NR6A1: variants seen among roughly 807,000 people sequenced by gnomAD.
NR6A1 encodes nuclear receptor subfamily 6 group A member 1.
Under a neutral mutation model 59.1 loss-of-function variants are expected in NR6A1, and 7 were observed. The observed-to-expected ratio is 0.12, with a 90% CI of 0.07 to 0.22. NR6A1 has a LOEUF of 0.22. Among genes scored for constraint, NR6A1 ranks in the 10% least tolerant of loss-of-function variants. The pLI is 1.00. For synonymous variants in NR6A1, 243 were observed against 236.1 expected (o/e 1.03, Z -0.27); for missense variants, 468 against 611.6 (o/e 0.77, Z 2.48).
intron 2 of NR6A1, chr9:124,693,933 T>C (rs1347530936): frequency 3.1e-6 from 1 of 319,274 alleles, no homozygotes; most frequent in African/African-American, 2.2e-5. Context: ...TGGAGTAAGT[T>C]CTCTAAATTC....
At chr9:124,618,153 G>A (rs1588713200) in intron 2 of NR6A1, among the ~76,000 whole-genome samples, 2 of 152,140 alleles carry the variant, frequency 1.3e-5, no homozygotes, top group South Asian at 2.1e-4. Context: ...CTGAGCTGGG[G>A]GCAAGGGAAG....
chr9:124,595,769 T>C, intron 2 of NR6A1: 1 of 1,288,898 alleles, frequency 7.8e-7, no homozygotes, highest in Non-Finnish European at 1.0e-6. Context: ...CTCCATTTCA[T>C]GCTTCTTGTA....
intron 2 of NR6A1, chr9:124,692,507 G>A (rs1465381958): frequency 1.9e-6 from 1 of 531,832 alleles, no homozygotes; most frequent in South Asian, 1.4e-5. Flanking sequence ...GTGAGTTTGG[G>A]ATTTGAAAAA....
intron 2 of NR6A1, among the ~76,000 whole-genome samples, chr9:124,587,862 A>T (rs1470391455): frequency 6.6e-6 from 1 of 152,178 alleles, no homozygotes; most frequent in African/African-American, 2.4e-5. Flanking sequence ...AAGGCGCTGG[A>T]TCAATAATTC....
chr9:124,550,605 G>T (rs1453819617), intron 3 of NR6A1, among the ~76,000 whole-genome samples: 2 of 151,824 alleles, frequency 1.3e-5, no homozygotes, highest in Non-Finnish European at 2.9e-5. Context: ...CAATCCACCT[G>T]CTCCGGCCTC....
At chr9:124,622,132 C>T (rs1027941753) in intron 2 of NR6A1, among the ~76,000 whole-genome samples, 2 of 152,164 alleles carry the variant, frequency 1.3e-5, no homozygotes, top group Non-Finnish European at 2.9e-5. Flanking sequence ...GAGAGGATCG[C>T]TTGAGCCTGG....
chr9:124,595,122 C>T (rs1352937868), intron 2 of NR6A1, among the ~76,000 whole-genome samples: 2 of 152,202 alleles, frequency 1.3e-5, no homozygotes, highest in Non-Finnish European at 2.9e-5. Context: ...GGGTTTCTCA[C>T]ATAACTAGGA....
At chr9:124,627,695 C>CA (rs769572655) in intron 2 of NR6A1, among the ~76,000 whole-genome samples, 2 of 152,122 alleles carry the variant, frequency 1.3e-5, no homozygotes, top group Non-Finnish European at 2.9e-5. Context: ...CCTCAGCCTC[C>CA]TAAGTAGCTC....
chr9:124,621,653 CA>C (rs1040211187), intron 2 of NR6A1, among the ~76,000 whole-genome samples: 2 of 138,422 alleles, frequency 1.4e-5, no homozygotes, highest in African/African-American at 2.7e-5. Flanking sequence ...GACCTTGTCT[CA>C]AAAAAAAAGA....
chr9:124,742,331 G>A (rs1840193655), intron 1 of NR6A1, among the ~76,000 whole-genome samples: 2 of 152,204 alleles, frequency 1.3e-5, no homozygotes, highest in South Asian at 4.1e-4. Context: ...GGAAGGCCGA[G>A]GTGGGCAGAT....
rs549038189 is a variant in NR6A1, at chr9:124,627,999, CTTTG to C, written c.143-73433_143-73430del. On this transcript the variant is annotated intron_variant, in intron 2 of 9. Transcript: ENST00000487099. ...CGGTGTGTGTAGAGAGTGAAGGGGA[CTTTG>C]TTTGGCCTTTGCTTTTGTTGTTGTT... Among the ~76,000 whole-genome samples the C allele has an allele frequency of 9.1e-4, 128 of 140,964 alleles. 1 individual carries two copies. In the South Asian group the frequency reaches 0.02, roughly 22 times the overall value. The allele number at this position is 140,964 out of a possible 152,430, so 92.5% of individuals were successfully genotyped here.
intron 9 of NR6A1, among the ~76,000 whole-genome samples, chr9:124,523,637 G>C (rs1832854494): frequency 6.6e-6 from 1 of 151,880 alleles, no homozygotes; most frequent in South Asian, 2.1e-4. Context: ...CAGAGTGCCT[G>C]CTTAATATCT....
chr9:124,559,499 G>C (rs1302970691), intron 2 of NR6A1, among the ~76,000 whole-genome samples: 1 of 152,060 alleles, frequency 6.6e-6, no homozygotes, highest in Non-Finnish European at 1.5e-5. Flanking sequence ...TTTCAGGCTG[G>C]GTGTAGTGGC....
chr9:124,684,295 C>CCTA (rs1332756812), intron 2 of NR6A1, among the ~76,000 whole-genome samples: 14 of 152,200 alleles, frequency 9.2e-5, no homozygotes, highest in African/African-American at 2.9e-4. Context: ...TAACTCCCTG[C>CCTA]CTATGCAAAC....
At chr9:124,592,536 G>A (rs1049500780) in intron 2 of NR6A1, among the ~76,000 whole-genome samples, 17 of 152,136 alleles carry the variant, frequency 1.1e-4, no homozygotes, top group African/African-American at 3.9e-4. Context: ...AAAGGGTACC[G>A]ATTAGAGATG....
chr9:124,682,286 G>A (rs1317034036), intron 2 of NR6A1, among the ~76,000 whole-genome samples: 3 of 152,156 alleles, frequency 2.0e-5, no homozygotes, highest in Admixed American at 2.0e-4. Context: ...ACAGGCATCA[G>A]CCATCGCGCC....
chr9:124,582,532 T>C (rs1288016040), intron 2 of NR6A1, among the ~76,000 whole-genome samples: 1 of 151,566 alleles, frequency 6.6e-6, no homozygotes, highest in East Asian at 1.9e-4. Context: ...CATTTACCTA[T>C]GTAACAAACC....
intron 4 of NR6A1, 91 bp downstream of exon 4, chr9:124,543,711 G>T: frequency 1.1e-6 from 1 of 923,702 alleles, no homozygotes; most frequent in Non-Finnish European, 1.6e-6. Flanking sequence ...CTCCTCAGCA[G>T]CAGATGAAAG....
intron 4 of NR6A1, among the ~76,000 whole-genome samples, chr9:124,543,025 G>A (rs1428610745): frequency 6.6e-6 from 1 of 152,206 alleles, no homozygotes; most frequent in Non-Finnish European, 1.5e-5. Flanking sequence ...CTTTTCCTAA[G>A]GAGCTGTAGT....
Sources: allele counts gnomAD v4.1 joint callset (sites outside exome capture counted in the v4.1 genomes callset), GRCh38; gene constraint gnomAD v4.1.1; transcripts MANE v1.5; gene names NCBI Gene and HGNC (gene_info 2026-07-23, HGNC 2026-07-21).